The following L1TD1 variants were observed in gnomAD, a reference collection of about 807,000 sequenced individuals.
L1TD1 encodes LINE1 type transposase domain containing 1.
A neutral mutation model predicts 25.7 loss-of-function variants in L1TD1; 26 were observed. The ratio of observed to expected loss-of-function variants is 1.01; its 90% CI spans 0.74 to 1.40. The LOEUF is 1.40. L1TD1 is among the 40% of genes most tolerant of loss of function. The pLI is 0.00. For missense variants in L1TD1, 1,130 were observed against 975.0 expected (o/e 1.16, Z -2.12); for synonymous variants, 421 against 335.6 (o/e 1.25, Z -2.78).
intron 2 of L1TD1, among the ~76,000 whole-genome samples, chr1:62,198,482 T>TC (rs969288473): frequency 5.6e-5 from 8 of 143,144 alleles, no homozygotes; most frequent in South Asian, 4.5e-4. Context: ...AAGTCCATAA[T>TC]CCCCCCAGCA....
chr1:62,207,005 T>A lies in L1TD1; in HGVS notation c.377T>A (p.Ile126Lys). 6.2e-7 allele frequency: 1 copy of A among 1,613,040 alleles called. No individual in the cohort carries two copies. The highest frequency in any genetic ancestry group is 8.5e-7 in the Non-Finnish European group (1 of 1,179,736). Residue 126 changes from isoleucine (I) to lysine (K), a missense_variant, in exon 3 of 4, where the codon ATA becomes AAA. Physicochemically the swap from Ile to Lys is moderately radical, Grantham distance 102. Transcript: ENST00000498273. Reference protein sequence around the residue: ...VGKIEGENSKIGDDNENLTFK... With the variant: ...VGKIEGENSKKGDDNENLTFK... ...AAAATAGAAGGAGAAAACTCTAAAA[T>A]AGGTGATGATAATGAAAATTTAACC... is the stretch of plus-strand genomic sequence containing the variant.
chr1:62,207,476 C>T lies in L1TD1; in HGVS notation c.848C>T (p.Ala283Val). 2 of 1,551,112 alleles carry T rather than the reference C, an allele frequency of 1.3e-6. No individual in the cohort carries two copies. The highest frequency in any genetic ancestry group is 1.7e-6 in the Non-Finnish European group (2 of 1,146,800). ...EPKFLCEVKL[A>V]FKCDGEIKTF... Reference sequence around the variant, plus strand: ...AAATTTCTGTGTGAAGTTAAATTAGCATTTAAATGTGATGGTGAAATAAAG... The same window carrying T: ...AAATTTCTGTGTGAAGTTAAATTAGTATTTAAATGTGATGGTGAAATAAAG... Residue 283 changes from alanine to valine, a missense_variant, in exon 3 of 4, where the codon GCA (alanine) becomes GTA (valine). Physicochemically the swap from Ala to Val is moderately conservative, Grantham distance 64 (BLOSUM62 0). Transcript: ENST00000498273.
chr1:62,205,390 T>TCTCTCTCTCTCTCA (rs1670719264), intron 2 of L1TD1, among the ~76,000 whole-genome samples: 2 of 19,662 alleles, frequency 1.0e-4, no homozygotes, highest in Non-Finnish European at 1.9e-4. Context: ...TCTCTCTCTT[T>TCTCTCTCTCTCTCA]CTCTCTCTCT....
intron 3 of L1TD1, among the ~76,000 whole-genome samples, chr1:62,208,768 C>T (rs1230242798): frequency 6.6e-6 from 1 of 152,188 alleles, no homozygotes; most frequent in Admixed American, 6.5e-5. Context: ...TGTGAGCCAC[C>T]ATGCCCAGCC....
At chr1:62,200,076 T>A (rs943216675) in intron 2 of L1TD1, among the ~76,000 whole-genome samples, 1 of 152,154 alleles carries the variant, frequency 6.6e-6, no homozygotes. Context: ...TATACTCTTA[T>A]TATGTATGGT....
At chr1:62,202,408 G>A (rs1280705088) in intron 2 of L1TD1, among the ~76,000 whole-genome samples, 1 of 151,608 alleles carries the variant, frequency 6.6e-6, no homozygotes, top group Non-Finnish European at 1.5e-5. Flanking sequence ...CCTTTACTCT[G>A]GTGTAATCAA....
chr1:62,203,276 T>C lies in L1TD1; in HGVS notation c.-110-3243T>C, dbSNP rs552317547. ...CTTCTTGTTACAAACATTCCAATTA[T>C]ACTGTTTAAGTATACAATAAGCTAT... On this transcript the variant is annotated intron_variant, in intron 2 of 3. Coordinates refer to ENST00000498273, the MANE Select transcript of L1TD1 (RefSeq NM_019079.5). Among the ~76,000 whole-genome samples the C allele has an allele frequency of 3.3e-4, 51 of 152,320 alleles. 2 individuals are homozygous for C. In the South Asian group the frequency reaches 8.9e-3, roughly 27 times the overall value.
chr1:62,212,234 A>T lies in L1TD1; in HGVS notation c.*862A>T. On this transcript the variant is annotated 3_prime_UTR_variant, in exon 4 of 4. Transcript: ENST00000498273. ...CCTGGGCAATGTGGCGAAAGTGTCT[A>T]CAAAAAAATACAAAAAGAGGAAGAA... 1 of 152,166 alleles carries T rather than the reference A, an allele frequency of 6.6e-6. No homozygotes were observed. The highest frequency in any genetic ancestry group is 6.5e-5 in the Admixed American group (1 of 15,270). 9.4% of individuals were successfully genotyped at this position (152,166 alleles called of 1,614,324 possible). A position where few individuals can be genotyped will look rare whatever the true frequency, so the allele number is the denominator to read the frequency against.
chr1:62,211,386 C>A lies in L1TD1; in HGVS notation c.*14C>A, dbSNP rs11207935. On this transcript the variant is annotated 3_prime_UTR_variant, in exon 4 of 4. Coordinates refer to ENST00000498273, the MANE Select transcript of L1TD1 (RefSeq NM_019079.5). ...AATATACCTTAGCACGCCAGGGTGA[C>A]TACAAACAATATGCTTTCCTCCCCC... 6.4e-7 allele frequency: 1 copy of A among 1,553,060 alleles called. No homozygotes were observed. Among genetic ancestry groups the A allele is most frequent in the Non-Finnish European group, 8.7e-7 (1 of 1,153,524 alleles).
Position 62,211,807 on chromosome 1 carries a change from T to TA in L1TD1, c.*443dup, listed in dbSNP as rs397720940. 0.21 allele frequency: 31,387 copies of TA among 151,718 alleles called. 3,413 individuals carry two copies. The highest frequency in any genetic ancestry group is 0.29 in the Middle Eastern group (84 of 292). The allele number at this position is 151,718 out of a possible 1,614,324, so 9.4% of individuals were successfully genotyped here. On this transcript the variant is annotated 3_prime_UTR_variant, in exon 4 of 4. Transcript: ENST00000498273. ...AGTGAAACCCCGTCTCTACTAAAAATAAAAAAAATTAGCCGGGCATGGTGG... is the reference window on the plus strand; with the variant it reads ...AGTGAAACCCCGTCTCTACTAAAAATAAAAAAAAATTAGCCGGGCATGGTGG...
At chr1:62,205,440 TATA>T (rs1489443203) in intron 2 of L1TD1, among the ~76,000 whole-genome samples, 8,177 of 65,110 alleles carry the variant, frequency 0.13, 984 homozygotes, top group East Asian at 0.28. Flanking sequence ...TATATATATA[TATA>T]TTTTTTTTTA....
Position 62,210,542 on chromosome 1 carries a change from GAAGAA to G in L1TD1, c.1775_1779del (p.Lys592ThrfsTer27), listed in dbSNP as rs1246129909. 40 of 1,612,508 alleles carry G rather than the reference GAAGAA, an allele frequency of 2.5e-5. No individual in the cohort carries two copies. Among genetic ancestry groups the G allele is most frequent in the Non-Finnish European group, 3.1e-5 (37 of 1,179,698 alleles). ...AGGAGTCACCAAACTTAAGAAAACA[GAAGAA>G]AAGAAACACAGAACTCTGCACACAG... is the stretch of plus-strand genomic sequence containing the variant. On this transcript the variant is annotated frameshift_variant, in exon 4 of 4. Transcript: ENST00000498273. LOFTEE classifies it low-confidence loss of function (END_TRUNC).
rs539527228 is a variant in L1TD1, at chr1:62,207,626, A to C, written c.998A>C (p.Gln333Pro). 3 of 1,532,532 alleles carry C rather than the reference A, an allele frequency of 2.0e-6. No individual in the cohort carries two copies. The highest frequency in any genetic ancestry group is 4.9e-5 in the East Asian group (2 of 40,800). 94.9% of individuals were successfully genotyped at this position (1,532,532 alleles called of 1,614,324 possible). A position where few individuals can be genotyped will look rare whatever the true frequency, so the allele number is the denominator to read the frequency against. Residue 333 changes from glutamine to proline, a missense_variant, in exon 3 of 4, where the codon CAA becomes CCA. Gln to Pro is a moderately conservative substitution (Grantham distance 76, BLOSUM62 -1). Transcript: ENST00000498273. Reference sequence around the variant, plus strand: ...CAAGGAGGAAGAAAATATGGAATTCAAGAAAAAAGGGTAAGCATACAAATG... The same window carrying C: ...CAAGGAGGAAGAAAATATGGAATTCCAGAAAAAAGGGTAAGCATACAAATG... ...INQGGRKYGIQEKRDKTLIDS... is the reference protein window; with the variant it reads ...INQGGRKYGIPEKRDKTLIDS...
In L1TD1 at chr1:62,210,199, T is replaced by A; in HGVS notation, c.1425T>A (p.Asp475Glu). ...CTACTTTCATTGACTCTGTAGAGGA[T>A]TCTGAATCAGAGGAGGAAGAAGAAG... ...METTFIDSVE[D>E]SESEEEEEGK... is the part of the protein sequence containing the mutation. Residue 475 changes from aspartate (D) to glutamate (E), a missense_variant, in exon 4 of 4, where the codon GAT becomes GAA. By Grantham distance (45) the Asp-to-Glu change is conservative. Transcript: ENST00000498273. 6.8e-6 allele frequency: 11 copies of A among 1,613,992 alleles called. No homozygotes were observed. The highest frequency in any genetic ancestry group is 9.3e-6 in the Non-Finnish European group (11 of 1,179,998).
In L1TD1 at chr1:62,207,491, G is replaced by T. The variant is rs1252662779; in HGVS notation, c.863G>T (p.Gly288Val). 1.9e-6 allele frequency: 3 copies of T among 1,551,196 alleles called. No homozygotes were observed. The highest frequency in any genetic ancestry group is 3.9e-5 in the Admixed American group (2 of 50,866). ...CEVKLAFKCD[G>V]EIKTFSDLQS... is the part of the protein sequence containing the mutation. ...GTTAAATTAGCATTTAAATGTGATG[G>T]TGAAATAAAGACATTTTCAGATCTG... Residue 288 changes from glycine to valine, a missense_variant, in exon 3 of 4, where the codon GGT becomes GTT. By Grantham distance (109) the Gly-to-Val change is moderately radical. Coordinates refer to ENST00000498273, the MANE Select transcript of L1TD1 (RefSeq NM_019079.5).
rs1357309607 is a variant in L1TD1, at chr1:62,210,931, C to T, written c.2157C>T (p.Asp719=). ...AGAGTTATGAGAATAGGGCAGAGGA[C>T]ATAATTAAAGAAATAATTGATGAAA... ...EKESYENRAE[D]IIKEIIDENF... Residue 719 remains aspartate (D), a synonymous_variant, in exon 4 of 4, where the codon GAC becomes GAT. Coordinates refer to ENST00000498273, the MANE Select transcript of L1TD1 (RefSeq NM_019079.5). The T allele has an allele frequency of 6.5e-7, 1 of 1,545,992 alleles. No individual in the cohort carries two copies. The highest frequency in any genetic ancestry group is 8.7e-7 in the Non-Finnish European group (1 of 1,145,822).
chr1:62,201,663 A>G, intron 2 of L1TD1, among the ~76,000 whole-genome samples: 1 of 152,134 alleles, frequency 6.6e-6, no homozygotes, highest in Middle Eastern at 3.2e-3. Context: ...TTCACCTGTA[A>G]AAACTTCAGT....
intron 2 of L1TD1, among the ~76,000 whole-genome samples, chr1:62,198,773 T>C (rs1670590088): frequency 7.3e-6 from 1 of 136,448 alleles, no homozygotes; most frequent in African/African-American, 2.6e-5. Flanking sequence ...TGTATACTTT[T>C]AAAGTAACCT....
In L1TD1 at chr1:62,207,498, A is replaced by G. The variant is rs1172707598; in HGVS notation, c.870A>G (p.Ile290Met). ...TAGCATTTAAATGTGATGGTGAAAT[A>G]AAGACATTTTCAGATCTGCAAAGCC... ...VKLAFKCDGE[I>M]KTFSDLQSLR... The change falls in exon 3 of 4, where the codon ATA (isoleucine) becomes ATG (methionine). Residue 290 changes from isoleucine to methionine, a missense_variant. Coordinates refer to ENST00000498273, the MANE Select transcript of L1TD1 (RefSeq NM_019079.5). The G allele has an allele frequency of 3.2e-6, 5 of 1,551,416 alleles. No individual in the cohort carries two copies. The South Asian group carries it at 6.0e-5, about 18-fold the overall frequency.
Sources: allele counts gnomAD v4.1 joint callset (sites outside exome capture counted in the v4.1 genomes callset), GRCh38; gene constraint gnomAD v4.1.1; transcripts MANE v1.5; gene names NCBI Gene and HGNC (gene_info 2026-07-23, HGNC 2026-07-21).